CLCA1: variants seen among roughly 807,000 people sequenced by gnomAD.
The protein encoded by CLCA1 is chloride channel accessory 1.
CLCA1 carries 59 observed loss-of-function variants against 85.6 expected under a neutral mutation model. The observed-to-expected ratio is 0.69, with a 90% CI of 0.56 to 0.86. The LOEUF (loss-of-function observed/expected upper bound fraction) is 0.86, where lower values mean the gene tolerates loss of function less well. Ranked by LOEUF, CLCA1 falls within the 40% of genes least tolerant of loss-of-function variation. The pLI is 0.00. For synonymous variants in CLCA1, 396 were observed against 398.3 expected (o/e 0.99, Z 0.07); for missense variants, 1,022 against 1,101.4 (o/e 0.93, Z 1.02).
At chr1:86,480,551 G>A (rs1184763060) in intron 4 of CLCA1, among the ~76,000 whole-genome samples, 1 of 151,988 alleles carries the variant, frequency 6.6e-6, no homozygotes, top group Non-Finnish European at 1.5e-5. Flanking sequence ...TGAGCCTGGG[G>A]GTGAGGTTGA....
At chr1:86,479,475 A>G (rs1223283586) in intron 4 of CLCA1, among the ~76,000 whole-genome samples, 3 of 152,206 alleles carry the variant, frequency 2.0e-5, no homozygotes, top group Admixed American at 6.5e-5. Flanking sequence ...TTACCTCATT[A>G]AAAAAATCTA....
At chr1:86,491,089 G>A (rs2753341) in intron 8 of CLCA1, among the ~76,000 whole-genome samples, 176 bp from the exon 9 acceptor site, 62,566 of 151,552 alleles carry the variant, frequency 0.41, 13,558 homozygotes, top group Non-Finnish European at 0.48. Context: ...AAAATAAATA[G>A]GTTAAAAAAA....
intron 3 of CLCA1, 81 bp from the exon 4 acceptor site, chr1:86,476,367 C>A (rs562636844): frequency 3.6e-5 from 25 of 695,348 alleles, no homozygotes; most frequent in African/African-American, 3.6e-4. Flanking sequence ...CATAAATATT[C>A]CAAACATTGC....
chr1:86,489,171 G>A lies in CLCA1; in HGVS notation c.1357+1G>A, dbSNP rs368386897. 1 of 1,613,256 alleles carries A rather than the reference G, an allele frequency of 6.2e-7. No individual in the cohort carries two copies. The highest frequency in any genetic ancestry group is 8.5e-7 in the Non-Finnish European group (1 of 1,179,626). ...CTAGAGGAGCTGTCCAAAATGACAG[G>A]TGAGGGATGATTTGCTGAGACCCCC... is the stretch of plus-strand genomic sequence containing the variant. On this transcript the variant is annotated splice_donor_variant, in intron 8 of 13. Transcript: ENST00000394711. LOFTEE classifies it high-confidence loss of function.
At chr1:86,499,132 A>G (rs985824071) in intron 13 of CLCA1, among the ~76,000 whole-genome samples, 1 of 152,210 alleles carries the variant, frequency 6.6e-6, no homozygotes, top group African/African-American at 2.4e-5. Flanking sequence ...AATGGAGCAT[A>G]GATGTCTGCA....
intron 1 of CLCA1, among the ~76,000 whole-genome samples, chr1:86,471,446 GGT>G (rs1305539715): frequency 6.6e-6 from 1 of 152,024 alleles, no homozygotes; most frequent in Non-Finnish European, 1.5e-5. Context: ...TAGGATATGA[GGT>G]CATTTTCTGA....
At chr1:86,483,254 T>C (rs5744356) in intron 5 of CLCA1, among the ~76,000 whole-genome samples, 1,932 of 152,296 alleles carry the variant, frequency 0.013, 43 homozygotes, top group African/African-American at 0.045. Flanking sequence ...GAGTTAAATA[T>C]GATGCCTAGT....
chr1:86,471,044 ACT>A (rs1647485471), intron 1 of CLCA1, among the ~76,000 whole-genome samples: 1 of 151,748 alleles, frequency 6.6e-6, no homozygotes, highest in African/African-American at 2.4e-5. Flanking sequence ...TCAGAGAGAA[ACT>A]CTCTCTTCCC....
In CLCA1 at chr1:86,499,824, A is replaced by G; in HGVS notation, c.2524A>G (p.Ile842Val). Residue 842 changes from isoleucine to valine, a missense_variant, in exon 14 of 14, where the codon ATT becomes GTT. Coordinates refer to ENST00000394711, the MANE Select transcript of CLCA1 (RefSeq NM_001285.4). ...ITFENGTDLF[I>V]AIQAVDKVDL... ...TTTTGAAAATGGCACAGATCTTTTCATTGCTATTCAGGCTGTTGATAAGGT... is the reference window on the plus strand; with the variant it reads ...TTTTGAAAATGGCACAGATCTTTTCGTTGCTATTCAGGCTGTTGATAAGGT... 1.2e-6 allele frequency: 2 copies of G among 1,613,536 alleles called. No individual in the cohort carries two copies. Among genetic ancestry groups the G allele is most frequent in the Non-Finnish European group, 1.7e-6 (2 of 1,179,384 alleles).
At position 86,498,886 on chromosome 1, in the gene CLCA1, C is replaced by A. The variant is rs56017947; in HGVS notation, c.2353+75C>A. The A allele has an allele frequency of 2.6e-3, 3,893 of 1,515,530 alleles. 104 individuals carry two copies. In the East Asian group the frequency reaches 0.061, roughly 24 times the overall value. 93.9% of individuals were successfully genotyped at this position (1,515,530 alleles called of 1,614,324 possible). ...GAAGAGCAGAAGCGGGTGAGGCAGG[C>A]AGCCGTGTTCTGATACTTAGGGGGC... is the stretch of plus-strand genomic sequence containing the variant. On this transcript the variant is annotated intron_variant, in intron 13 of 13. Transcript: ENST00000394711.
chr1:86,493,290 T>C, intron 9 of CLCA1, 94 bp from the exon 10 acceptor site: 1 of 944,788 alleles, frequency 1.1e-6, no homozygotes, highest in Non-Finnish European at 1.6e-6. Context: ...CTGAAGTCTT[T>C]TTAATGGCGC....
intron 1 of CLCA1, among the ~76,000 whole-genome samples, chr1:86,472,024 T>TTG (rs1222040786): frequency 3.5e-5 from 2 of 56,558 alleles, no homozygotes; most frequent in African/African-American, 1.2e-4. Flanking sequence ...TTTTACATTT[T>TTG]TGTTTTTTTT....
chr1:86,498,697 A>G lies in CLCA1; in HGVS notation c.2239A>G (p.Ile747Val). 6.2e-7 allele frequency: 1 copy of G among 1,614,168 alleles called. No individual in the cohort carries two copies. Among genetic ancestry groups the G allele is most frequent in the Non-Finnish European group, 8.5e-7 (1 of 1,180,016 alleles). ...FVASDVPNAP[I>V]PDLFPPGQIT... ...GGCTTCTGATGTCCCAAATGCTCCC[A>G]TACCTGATCTCTTCCCACCTGGCCA... Residue 747 changes from isoleucine (I) to valine (V), a missense_variant, in exon 13 of 14, where the codon ATA becomes GTA. Ile to Val is a conservative substitution (Grantham distance 29). Transcript: ENST00000394711.
intron 8 of CLCA1, among the ~76,000 whole-genome samples, chr1:86,490,875 G>T (rs1168588297): frequency 7.2e-6 from 1 of 138,284 alleles, no homozygotes; most frequent in Non-Finnish European, 1.5e-5. Flanking sequence ...AGACCAGCCT[G>T]AGTAACATGG....
chr1:86,473,074 A>T (rs1647546028), intron 1 of CLCA1, among the ~76,000 whole-genome samples: 1 of 152,192 alleles, frequency 6.6e-6, no homozygotes, highest in Non-Finnish European at 1.5e-5. Flanking sequence ...GTTCCTCACC[A>T]CAACCTTATC....
At chr1:86,469,180 T>G (rs189550563) in intron 1 of CLCA1, 47 bp downstream of exon 1, 400 of 1,427,586 alleles carry the variant, frequency 2.8e-4, no homozygotes, top group Non-Finnish European at 3.6e-4. Context: ...TAGCATAATG[T>G]TGTGATAGAG....
At chr1:86,487,513 G>A (rs1485442071) in intron 7 of CLCA1, among the ~76,000 whole-genome samples, 1 of 152,170 alleles carries the variant, frequency 6.6e-6, no homozygotes, top group Non-Finnish European at 1.5e-5. Context: ...TGGCTTCAGG[G>A]TGATGAGGCA....
At chr1:86,483,110 C>A (rs1044483612) in intron 5 of CLCA1, among the ~76,000 whole-genome samples, 1 of 152,122 alleles carries the variant, frequency 6.6e-6, no homozygotes, top group African/African-American at 2.4e-5. Context: ...AGGAATGGAG[C>A]ATAAGTTTTT....
rs1319207389 is a variant in CLCA1 at position 86,498,559 on chromosome 1, T to G, written c.2114-13T>G. On this transcript the variant is annotated splice_polypyrimidine_tract_variant and intron_variant, in intron 12 of 13. Coordinates refer to ENST00000394711, the MANE Select transcript of CLCA1 (RefSeq NM_001285.4). ...ATGTTGCTTACCATATTTTGAGTAT[T>G]TTTTTAATGCAGATGAAATACAATG... 2 of 1,608,558 alleles carry G rather than the reference T, an allele frequency of 1.2e-6. No individual in the cohort carries two copies. Among genetic ancestry groups the G allele is most frequent in the South Asian group, 2.2e-5 (2 of 90,976 alleles).
Sources: allele counts gnomAD v4.1 joint callset (sites outside exome capture counted in the v4.1 genomes callset), GRCh38; gene constraint gnomAD v4.1.1; transcripts MANE v1.5; gene names NCBI Gene and HGNC (gene_info 2026-07-23, HGNC 2026-07-21).